Variants in RIC1 observed in about 807,000 individuals in gnomAD.
The protein encoded by RIC1 is guanine nucleotide exchange factor subunit RIC1.
In RIC1, 88 loss-of-function variants were observed where a neutral mutation model predicts 169.0. The observed-to-expected ratio is 0.52, with a 90% CI of 0.44 to 0.62. RIC1 has a LOEUF of 0.62. Ranked by LOEUF, RIC1 falls within the 20% of genes least tolerant of loss-of-function variation. The pLI, the probability that RIC1 is intolerant of heterozygous loss-of-function variation, is 0.00. For synonymous variants in RIC1, 790 were observed against 601.5 expected (o/e 1.31, Z -4.59); for missense variants, 1,877 against 1,725.5 (o/e 1.09, Z -1.56).
At chr9:5,682,290 C>G (rs984254877) in intron 2 of RIC1, among the ~76,000 whole-genome samples, 10 of 151,838 alleles carry the variant, frequency 6.6e-5, no homozygotes, top group African/African-American at 2.4e-4. Context: ...TTTGCAGTGG[C>G]TGGTACCAGT....
At chr9:5,716,028 G>C (rs1211725028) in intron 4 of RIC1, among the ~76,000 whole-genome samples, 1 of 152,032 alleles carries the variant, frequency 6.6e-6, no homozygotes, top group East Asian at 1.9e-4. Flanking sequence ...CTTTATTGTA[G>C]AGACAAGGTT....
At position 5,651,816 on chromosome 9, in the gene RIC1, C is replaced by T. The variant is rs1296064853; in HGVS notation, c.145-4767C>T. 2.6e-5 allele frequency among the ~76,000 whole-genome samples: 4 copies of T among 152,110 alleles called. No homozygotes were observed. In the East Asian group the frequency reaches 7.7e-4, roughly 29 times the overall value. On this transcript the variant is annotated intron_variant, in intron 1 of 25. Coordinates refer to ENST00000414202, the MANE Select transcript of RIC1 (RefSeq NM_020829.4). ...CTCCTGATCTCAAGTGATCTGCCCA[C>T]CTCGGCCTCCCAAAGTGCTGGGATT...
downstream of RIC1, among the ~76,000 whole-genome samples, chr9:5,776,777 A>G (rs1318360510): frequency 2.0e-5 from 3 of 152,050 alleles, no homozygotes; most frequent in Non-Finnish European, 2.9e-5. Flanking sequence ...ATGACATGGA[A>G]AATGTTCAAA....
At chr9:5,698,535 G>A (rs1822037509) in intron 3 of RIC1, among the ~76,000 whole-genome samples, 1 of 152,124 alleles carries the variant, frequency 6.6e-6, no homozygotes, top group African/African-American at 2.4e-5. Flanking sequence ...AATAAAACCG[G>A]CTTAGCTTCA....
At chr9:5,654,931 C>G (rs1336831308) in intron 1 of RIC1, among the ~76,000 whole-genome samples, 1 of 152,158 alleles carries the variant, frequency 6.6e-6, no homozygotes, top group African/African-American at 2.4e-5. Flanking sequence ...GTATATTAAT[C>G]TTGGATCCTG....
At chr9:5,711,501 T>C (rs185898642) in intron 3 of RIC1, among the ~76,000 whole-genome samples, 10 of 152,154 alleles carry the variant, frequency 6.6e-5, no homozygotes, top group Admixed American at 6.5e-4. Context: ...AGAGCTGTTA[T>C]TTTAGGAGTT....
At chr9:5,690,633 G>A (rs1821541150) in intron 3 of RIC1, among the ~76,000 whole-genome samples, 1 of 150,822 alleles carries the variant, frequency 6.6e-6, no homozygotes, top group Admixed American at 6.6e-5. Context: ...ATTTCTAGAT[G>A]GTGGAAGATA....
Position 5,629,142 on chromosome 9 carries a change from G to T in RIC1, c.-168G>T, listed in dbSNP as rs1054650853. On this transcript the variant is annotated 5_prime_UTR_variant, in exon 1 of 26. Transcript: ENST00000414202. ...CCGTCAGCTTGGGGGTGCCTTCGTC[G>T]CGCAGCCTTGCGTCGGCCCGGCCCG... 47 of 524,540 alleles carry T rather than the reference G, an allele frequency of 9.0e-5. No individual in the cohort carries two copies. Among genetic ancestry groups the T allele is most frequent in the Non-Finnish European group, 1.2e-4 (41 of 348,852 alleles). The allele number at this position is 524,540 out of a possible 1,614,324, so 32.5% of individuals were successfully genotyped here.
intron 6 of RIC1, among the ~76,000 whole-genome samples, chr9:5,728,839 G>GCTAATAT (rs1369750493): frequency 6.6e-6 from 1 of 152,114 alleles, no homozygotes; most frequent in African/African-American, 2.4e-5. Context: ...ATAGCTAATA[G>GCTAATAT]CTAATTAATA....
intron 2 of RIC1, among the ~76,000 whole-genome samples, chr9:5,677,431 A>G (rs1188827541): frequency 6.6e-6 from 1 of 152,136 alleles, no homozygotes; most frequent in Admixed American, 6.5e-5. Context: ...TTCCAGTACA[A>G]TTGGTTGAAA....
intron 21 of RIC1, among the ~76,000 whole-genome samples, chr9:5,766,638 C>G (rs1469412744): frequency 1.3e-5 from 2 of 152,202 alleles, no homozygotes; most frequent in African/African-American, 4.8e-5. Context: ...TAGAATAATA[C>G]TCTCCAATCT....
At chr9:5,689,449 A>G (rs764048365) in intron 2 of RIC1, among the ~76,000 whole-genome samples, 2 of 152,196 alleles carry the variant, frequency 1.3e-5, no homozygotes, top group African/African-American at 4.8e-5. Flanking sequence ...TTATGTCTGT[A>G]TCTGGGGCTA....
At chr9:5,770,368 C>G (rs562729229) in intron 23 of RIC1, 90 bp downstream of exon 23, 470 of 1,140,494 alleles carry the variant, frequency 4.1e-4, no homozygotes, top group Non-Finnish European at 5.4e-4. Flanking sequence ...CATTCTTTTT[C>G]TATCGTGATG....
chr9:5,757,257 A>C, intron 16 of RIC1, 56 bp from the exon 17 acceptor site: 3 of 1,594,834 alleles, frequency 1.9e-6, no homozygotes, highest in Non-Finnish European at 2.6e-6. Context: ...GTGGAAAAGA[A>C]AGAAAATCTT....
intron 17 of RIC1, among the ~76,000 whole-genome samples, chr9:5,760,850 C>G (rs1285380326): frequency 6.6e-6 from 1 of 152,082 alleles, no homozygotes; most frequent in Non-Finnish European, 1.5e-5. Context: ...CTTGATGAAC[C>G]CTAAATGATC....
rs376957153 is a variant in RIC1, at chr9:5,677,710, T to G, written c.253-12249T>G. On this transcript the variant is annotated intron_variant, in intron 2 of 25. Coordinates refer to ENST00000414202, the MANE Select transcript of RIC1 (RefSeq NM_020829.4). The stretch of plus-strand genomic sequence containing the variant: ...TCATCTCAATTTTTTTTTGTAAACA[T>G]TAAAACACAGGAAAAGAATTAGAGC... Among the ~76,000 whole-genome samples the G allele has an allele frequency of 2.0e-5, 3 of 152,096 alleles. No homozygotes were observed. The East Asian group carries it at 5.8e-4, about 29-fold the overall frequency.
chr9:5,701,156 T>G (rs900884537), intron 3 of RIC1, among the ~76,000 whole-genome samples: 2 of 152,250 alleles, frequency 1.3e-5, no homozygotes, highest in Admixed American at 1.3e-4. Context: ...GTGGTATAGC[T>G]GGCTCTTCTG....
chr9:5,706,029 C>G (rs1037813962), intron 3 of RIC1, among the ~76,000 whole-genome samples: 4 of 152,162 alleles, frequency 2.6e-5, no homozygotes, highest in African/African-American at 9.7e-5. Flanking sequence ...TTTTAATATG[C>G]TACTGGATCC....
At chr9:5,687,016 T>G (rs972966271) in intron 2 of RIC1, among the ~76,000 whole-genome samples, 1 of 152,212 alleles carries the variant, frequency 6.6e-6, no homozygotes, top group African/African-American at 2.4e-5. Flanking sequence ...GAATTATAAT[T>G]TCTTTAACAG....
Sources: gnomAD v4.1 joint callset for allele counts (sites outside exome capture counted in the v4.1 genomes callset) on GRCh38, gnomAD v4.1.1 for gene constraint, MANE v1.5 for transcripts, NCBI Gene and HGNC (gene_info 2026-07-23, HGNC 2026-07-21) for gene names.